STN1: variants seen among roughly 807,000 people sequenced by gnomAD.
STN1 encodes the protein CST complex subunit STN1.
Under a neutral mutation model 45.5 loss-of-function variants are expected in STN1, and 29 were observed. The observed-to-expected ratio is 0.64, with a 90% confidence interval of 0.47 to 0.87. STN1 has a LOEUF of 0.87. Ranked by LOEUF, STN1 falls within the 40% of genes least tolerant of loss-of-function variation. The pLI, the probability that STN1 is intolerant of heterozygous loss-of-function variation, is 0.00. For synonymous variants in STN1, 148 were observed against 159.0 expected (o/e 0.93, Z 0.52); for missense variants, 376 against 441.4 (o/e 0.85, Z 1.33).
At chr10:103,911,061 T>G (rs1843287455) in intron 2 of STN1, among the ~76,000 whole-genome samples, 1 of 151,434 alleles carries the variant, frequency 6.6e-6, no homozygotes, top group Non-Finnish European at 1.5e-5. Context: ...CCAGTCATGA[T>G]TTCTTTGAAC....
rs1564636131 is a variant in STN1, at chr10:103,914,360, A to ATT, written c.133+3101_133+3102insAA. Among the ~76,000 whole-genome samples, 8 of 10,462 alleles carry ATT rather than the reference A, an allele frequency of 7.6e-4. 1 individual carries two copies. Among genetic ancestry groups the ATT allele is most frequent in the South Asian group, 6.5e-3 (1 of 154 alleles). 6.9% of individuals were successfully genotyped at this position (10,462 alleles called of 152,430 possible). ...CATATATATATATATATATATATAT[A>ATT]TATATATATATATATTTTTTTTTTT... On this transcript the variant is annotated intron_variant, in intron 2 of 9. Transcript: ENST00000224950.
intron 7 of STN1, 36 bp from the exon 8 acceptor site, chr10:103,892,288 A>C: frequency 6.4e-7 from 1 of 1,566,484 alleles, no homozygotes; most frequent in Non-Finnish European, 8.6e-7. Context: ...GAAAAGAAAT[A>C]AGTCTCACCT....
chr10:103,905,064 G>T, intron 4 of STN1, 27 bp downstream of exon 4: 1 of 1,600,010 alleles, frequency 6.2e-7, no homozygotes, highest in Non-Finnish European at 8.6e-7. Flanking sequence ...TAGGTGAAAA[G>T]TAAAGGAATG....
chr10:103,898,388 G>T (rs900061974), intron 6 of STN1: 4 of 152,918 alleles, frequency 2.6e-5, no homozygotes, highest in African/African-American at 9.6e-5. Context: ...CTATAAAAAA[G>T]TAAAATCATC....
At chr10:103,890,088 TA>T (rs1201184771) in intron 8 of STN1, among the ~76,000 whole-genome samples, 5 of 148,374 alleles carry the variant, frequency 3.4e-5, no homozygotes, top group African/African-American at 1.3e-4. Flanking sequence ...GTGAATCTAG[TA>T]ACAAAAAAAG....
At position 103,898,807 on chromosome 10, in the gene STN1, A is replaced by G. The variant is rs535144561; in HGVS notation, c.581+70T>C. 5.0e-6 allele frequency: 8 copies of G among 1,588,780 alleles called. No homozygotes were observed. In the East Asian group the frequency reaches 6.7e-5, roughly 13 times the overall value. ...CGGGATTTGAACCTAGGCCGATCCC[A>G]GCATCTGGGCTCAGCTGCTTCAGTT... On this transcript the variant is annotated intron_variant, in intron 6 of 9. Transcript: ENST00000224950.
At chr10:103,913,684 T>G (rs1291404796) in intron 2 of STN1, among the ~76,000 whole-genome samples, 1 of 152,174 alleles carries the variant, frequency 6.6e-6, no homozygotes, top group African/African-American at 2.4e-5. Flanking sequence ...AGCCATTTTC[T>G]TGTATCAAAG....
intron 7 of STN1, among the ~76,000 whole-genome samples, chr10:103,894,188 T>C (rs1843156814): frequency 6.6e-6 from 1 of 152,236 alleles, no homozygotes; most frequent in African/African-American, 2.4e-5. Context: ...AGGAGATCTA[T>C]CTTCTTTAGT....
At chr10:103,914,664 TA>T (rs1360243199) in intron 2 of STN1, among the ~76,000 whole-genome samples, 1 of 151,638 alleles carries the variant, frequency 6.6e-6, no homozygotes, top group Admixed American at 6.6e-5. Flanking sequence ...ACTTTTTTTT[TA>T]ATGCAAAAAA....
chr10:103,914,374 A>ATATTTTTTTTTTT (rs1554837551), intron 2 of STN1, among the ~76,000 whole-genome samples: 1 of 97,416 alleles, frequency 1.0e-5, no homozygotes, highest in African/African-American at 4.9e-5. Flanking sequence ...ATATATATAT[A>ATATTTTTTTTTTT]TTTTTTTTTT....
At chr10:103,909,446 A>ATG (rs1843270809) in intron 3 of STN1, among the ~76,000 whole-genome samples, 1 of 85,442 alleles carries the variant, frequency 1.2e-5, no homozygotes, top group East Asian at 4.5e-4. Context: ...ATATATATGT[A>ATG]TATATGTATA....
chr10:103,907,800 A>G (rs1382605909), intron 3 of STN1, among the ~76,000 whole-genome samples: 1 of 152,064 alleles, frequency 6.6e-6, no homozygotes, highest in African/African-American at 2.4e-5. Context: ...GTAGGTGAAA[A>G]GCTTGATTTA....
chr10:103,897,837 A>G (rs1158973512), intron 6 of STN1, 118 bp from the exon 7 acceptor site: 3 of 923,388 alleles, frequency 3.2e-6, no homozygotes, highest in Non-Finnish European at 4.9e-6. Context: ...TTTGTTTTTC[A>G]TATACAGAGT....
chr10:103,888,948 T>C, intron 9 of STN1, 124 bp downstream of exon 9: 3 of 683,462 alleles, frequency 4.4e-6, no homozygotes, highest in Non-Finnish European at 8.0e-6. Context: ...GTACTTTGAC[T>C]ATCACCTTTC....
At chr10:103,903,010 T>A (rs1398048316) in intron 4 of STN1, among the ~76,000 whole-genome samples, 1 of 152,204 alleles carries the variant, frequency 6.6e-6, no homozygotes. Flanking sequence ...AGTATAAGAA[T>A]TATATATTCC....
In STN1 at chr10:103,900,240, C is replaced by T. The variant is rs375828885; in HGVS notation, c.296-17G>A. The T allele has an allele frequency of 1.2e-6, 2 of 1,611,454 alleles. No individual in the cohort carries two copies. The highest frequency in any genetic ancestry group is 2.2e-5 in the East Asian group (1 of 44,854). On this transcript the variant is annotated splice_polypyrimidine_tract_variant and intron_variant, in intron 4 of 9. Transcript: ENST00000224950. ...TTGGAGCAGCTGTAGTTGTTTAGAG[C>T]CAGAGGGAAAGAGAAAAAGTTATAA...
At position 103,879,411 on chromosome 10, in the gene STN1, G is replaced by C. The variant is rs1843052427; in HGVS notation, c.*3273C>G. On this transcript the variant is annotated 3_prime_UTR_variant, in exon 10 of 10. Transcript: ENST00000224950. ...GTTCTGGGAAGGGGGACAGGAGATG[G>C]GTTGCAAACAGCGAAAGAGGAATGA... 6.6e-6 allele frequency: 1 copy of C among 152,596 alleles called. No individual in the cohort carries two copies. The allele number at this position is 152,596 out of a possible 1,614,324, so 9.5% of individuals were successfully genotyped here.
intron 3 of STN1, among the ~76,000 whole-genome samples, chr10:103,909,365 A>T (rs3850672): frequency 0.18 from 13,391 of 73,194 alleles, 2,885 homozygotes; most frequent in Non-Finnish European, 0.25. Context: ...AAAAAAAAAA[A>T]ATATATATAT....
chr10:103,914,577 C>T (rs1329157179), intron 2 of STN1, among the ~76,000 whole-genome samples: 1 of 151,280 alleles, frequency 6.6e-6, no homozygotes, highest in Non-Finnish European at 1.5e-5. Context: ...TGGTCTTGAA[C>T]TCTGGGCTCA....
Sources: allele counts gnomAD v4.1 joint callset (sites outside exome capture counted in the v4.1 genomes callset), GRCh38; gene constraint gnomAD v4.1.1; transcripts MANE v1.5; gene names NCBI Gene and HGNC (gene_info 2026-07-23, HGNC 2026-07-21).